EEF2K: variants seen among roughly 807,000 people sequenced by gnomAD.
EEF2K encodes the protein eukaryotic elongation factor 2 kinase, also known as alternative protein EEF2K.
In EEF2K, 70 loss-of-function variants were observed where a neutral mutation model predicts 93.8. That is an observed-to-expected ratio of 0.75 (90% CI 0.62 to 0.91). The LOEUF (loss-of-function observed/expected upper bound fraction) is 0.91, where lower values mean the gene tolerates loss of function less well. Ranked by LOEUF, EEF2K falls within the 40% of genes least tolerant of loss-of-function variation. The pLI, the probability that EEF2K is intolerant of heterozygous loss-of-function variation, is 0.00. For synonymous variants in EEF2K, 376 were observed against 380.8 expected, an observed-to-expected ratio of 0.99 and a Z score of 0.15; for missense variants, 935 against 972.9, an observed-to-expected ratio of 0.96 and a Z score of 0.52.
intron 2 of EEF2K, among the ~76,000 whole-genome samples, chr16:22,243,597 G>A (rs1273373820): frequency 6.6e-6 from 1 of 151,512 alleles, no homozygotes; most frequent in Non-Finnish European, 1.5e-5. Flanking sequence ...GAGGGTACCC[G>A]TTCCCTGATA....
intron 2 of EEF2K, among the ~76,000 whole-genome samples, chr16:22,235,733 G>A (rs573748352): frequency 1.3e-5 from 2 of 152,036 alleles, no homozygotes; most frequent in Non-Finnish European, 2.9e-5. Flanking sequence ...CCTGACGTCA[G>A]GTGATCTGCC....
intron 11 of EEF2K, among the ~76,000 whole-genome samples, chr16:22,262,280 G>A (rs894160133): frequency 6.6e-6 from 1 of 152,162 alleles, no homozygotes; most frequent in African/African-American, 2.4e-5. Flanking sequence ...GGGAGTCCAA[G>A]GCAGGCGGAT....
At chr16:22,219,743 T>C (rs1234617988) in intron 1 of EEF2K, among the ~76,000 whole-genome samples, 1 of 152,220 alleles carries the variant, frequency 6.6e-6, no homozygotes, top group Non-Finnish European at 1.5e-5. Flanking sequence ...TTACAGTAGA[T>C]TATACAAGTT....
intron 16 of EEF2K, among the ~76,000 whole-genome samples, chr16:22,276,816 T>C (rs529610983): frequency 1.8e-4 from 28 of 152,196 alleles, no homozygotes; most frequent in Non-Finnish European, 3.8e-4. Flanking sequence ...CCTAACACTT[T>C]GGGAGGCTGA....
At chr16:22,223,784 G>A (rs150041198) in intron 1 of EEF2K, among the ~76,000 whole-genome samples, 7 of 152,238 alleles carry the variant, frequency 4.6e-5, no homozygotes, top group Admixed American at 2.0e-4. Flanking sequence ...GTATGGGACC[G>A]TCCCCTTTCT....
At chr16:22,279,363 G>A (rs1387084483) in intron 16 of EEF2K, among the ~76,000 whole-genome samples, 1 of 151,698 alleles carries the variant, frequency 6.6e-6, no homozygotes, top group Non-Finnish European at 1.5e-5. Flanking sequence ...TCAGCCTCCG[G>A]AGTAGCTGGG....
At chr16:22,278,926 G>A (rs2047666466) in intron 16 of EEF2K, among the ~76,000 whole-genome samples, 1 of 152,084 alleles carries the variant, frequency 6.6e-6, no homozygotes, top group Non-Finnish European at 1.5e-5. Flanking sequence ...GCATTGTGCT[G>A]GAGGCAATTT....
chr16:22,250,009 C>T (rs989738164), intron 4 of EEF2K, among the ~76,000 whole-genome samples: 1 of 151,710 alleles, frequency 6.6e-6, no homozygotes, highest in Admixed American at 6.6e-5. Context: ...CTCGAACTCC[C>T]GACCTCAGGT....
chr16:22,237,088 G>A (rs1420182684), intron 2 of EEF2K, among the ~76,000 whole-genome samples: 2 of 151,242 alleles, frequency 1.3e-5, no homozygotes, highest in Non-Finnish European at 2.9e-5. Context: ...GGGAGCACAG[G>A]CACACGTCAC....
chr16:22,271,529 C>A (rs1253735303), intron 15 of EEF2K, among the ~76,000 whole-genome samples: 1 of 151,442 alleles, frequency 6.6e-6, no homozygotes, highest in Admixed American at 6.6e-5. Flanking sequence ...TCTCTACAAA[C>A]CCCCCACCCC....
In EEF2K at chr16:22,258,614, A is replaced by G; in HGVS notation, c.1150A>G (p.Asn384Asp). 1 of 1,614,138 alleles carries G rather than the reference A, an allele frequency of 6.2e-7. No homozygotes were observed. The highest frequency in any genetic ancestry group is 1.1e-5 in the South Asian group (1 of 91,080). Reference sequence around the variant, plus strand: ...CCTTTCAGAGAACTCTGGAGACGAGAACATGAGCGACGTGACCTTCGACTC... The same window carrying G: ...CCTTTCAGAGAACTCTGGAGACGAGGACATGAGCGACGTGACCTTCGACTC... ...RPLSENSGDE[N>D]MSDVTFDSLP... The change falls in exon 10 of 18, where the codon AAC (asparagine) becomes GAC (aspartate). Residue 384 changes from asparagine to aspartate, a missense_variant. Transcript: ENST00000263026.
intron 1 of EEF2K, among the ~76,000 whole-genome samples, chr16:22,224,237 C>G (rs1462016017): frequency 6.6e-6 from 1 of 152,116 alleles, no homozygotes; most frequent in Admixed American, 6.6e-5. Flanking sequence ...TAGGGCCACT[C>G]CTTCATTCTG....
At chr16:22,281,703 A>G (rs1454002882) in intron 17 of EEF2K, among the ~76,000 whole-genome samples, 1 of 152,114 alleles carries the variant, frequency 6.6e-6, no homozygotes, top group Admixed American at 6.6e-5. Context: ...TATTCTGGAG[A>G]TTTTATATAA....
At chr16:22,274,183 A>C (rs1156972453) in intron 16 of EEF2K, among the ~76,000 whole-genome samples, 1 of 152,006 alleles carries the variant, frequency 6.6e-6, no homozygotes, top group Non-Finnish European at 1.5e-5. Context: ...TGGCTCACGC[A>C]TGTAATCTTA....
At position 22,256,732 on chromosome 16, in the gene EEF2K, C is replaced by A. The variant is rs764950680; in HGVS notation, c.619-16C>A. The A allele has an allele frequency of 4.3e-6, 7 of 1,612,690 alleles. No individual in the cohort carries two copies. Among genetic ancestry groups the A allele is most frequent in the Non-Finnish European group, 5.1e-6 (6 of 1,179,430 alleles). ...GCCTGGGCCCTCCCGCCTGAGCCCA[C>A]TCCCCATCCCACCAGGTGGACATCA... On this transcript the variant is annotated splice_polypyrimidine_tract_variant and intron_variant, in intron 6 of 17. Transcript: ENST00000263026.
At chr16:22,240,798 C>G (rs891350772) in intron 2 of EEF2K, among the ~76,000 whole-genome samples, 6 of 152,046 alleles carry the variant, frequency 3.9e-5, no homozygotes, top group African/African-American at 1.2e-4. Context: ...GAGATGGAGT[C>G]TCACTGTGTC....
At chr16:22,208,738 T>TA (rs34094244) in intron 1 of EEF2K, among the ~76,000 whole-genome samples, 28,031 of 147,408 alleles carry the variant, frequency 0.19, 3,001 homozygotes, top group African/African-American at 0.3. Context: ...GGTCTCTATT[T>TA]AAAAAAAAAA....
intron 15 of EEF2K, among the ~76,000 whole-genome samples, chr16:22,269,762 C>T (rs553473027): frequency 1.4e-4 from 22 of 152,190 alleles, no homozygotes; most frequent in Admixed American, 1.0e-3. Flanking sequence ...TCTGCATGGA[C>T]GTGAATATTG....
In EEF2K at chr16:22,285,015, G is replaced by A. The variant is rs1271288471; in HGVS notation, c.*1019G>A. ...TCCATCTTTTAAGCATGCTTTCTAC[G>A]GTGGGCTTTTCAAAACAGGTTTGAG... On this transcript the variant is annotated 3_prime_UTR_variant, in exon 18 of 18. Coordinates refer to ENST00000263026, the MANE Select transcript of EEF2K (RefSeq NM_013302.5). 4 of 152,528 alleles carry A rather than the reference G, an allele frequency of 2.6e-5. No homozygotes were observed. The East Asian group carries it at 7.7e-4, about 29-fold the overall frequency. The allele number at this position is 152,528 out of a possible 1,614,324, so 9.4% of individuals were successfully genotyped here.
Sources: gnomAD v4.1 joint callset for allele counts (sites outside exome capture counted in the v4.1 genomes callset) on GRCh38, gnomAD v4.1.1 for gene constraint, MANE v1.5 for transcripts, NCBI Gene and HGNC (gene_info 2026-07-23, HGNC 2026-07-21) for gene names.